The following CACNA2D3 variants were observed in gnomAD, a reference collection of about 807,000 sequenced individuals.
CACNA2D3 encodes calcium voltage-gated channel auxiliary subunit alpha2delta 3, also known as voltage-dependent calcium channel subunit alpha-2/delta-3.
In CACNA2D3, 60 loss-of-function variants were observed where a neutral mutation model predicts 160.6. The ratio of observed to expected loss-of-function variants is 0.37; its 90% CI spans 0.30 to 0.46. The LOEUF is 0.46. Among genes scored for constraint, CACNA2D3 ranks in the 20% least tolerant of loss-of-function variants. The pLI, the probability that CACNA2D3 is intolerant of heterozygous loss-of-function variation, is 1.00. For synonymous variants in CACNA2D3, 558 were observed against 492.9 expected, an observed-to-expected ratio of 1.13 and a Z score of -1.75; for missense variants, 1,205 against 1,365.0, an observed-to-expected ratio of 0.88 and a Z score of 1.85.
At chr3:54,474,805 G>A (rs1353455962) in intron 4 of CACNA2D3, among the ~76,000 whole-genome samples, 1 of 152,132 alleles carries the variant, frequency 6.6e-6, no homozygotes, top group Non-Finnish European at 1.5e-5. Context: ...TTCAAGTGAA[G>A]TTGAGTTCTC....
chr3:54,133,687 T>C (rs1699762321), intron 2 of CACNA2D3, among the ~76,000 whole-genome samples: 1 of 152,228 alleles, frequency 6.6e-6, no homozygotes, highest in South Asian at 2.1e-4. Flanking sequence ...AATAAACTGA[T>C]GCTGCTTATC....
rs532102503 is a variant in CACNA2D3, at chr3:54,638,437, C to G, written c.1054-3691C>G. 20 of 151,962 alleles carry G rather than the reference C, an allele frequency of 1.3e-4. 1 individual carries two copies. The highest frequency in any genetic ancestry group is 4.6e-4 in the African/African-American group (19 of 41,294). 9.4% of individuals were successfully genotyped at this position (151,962 alleles called of 1,614,324 possible). ...CTAGTCACGGAATGAAACTGTAAGC[C>G]GGAGCAGGTGTGAGGAGGGGAGGTG... is the stretch of plus-strand genomic sequence containing the variant. On this transcript the variant is annotated intron_variant, in intron 10 of 37. Transcript: ENST00000474759.
intron 13 of CACNA2D3, among the ~76,000 whole-genome samples, chr3:54,799,906 C>T (rs1433227928): frequency 1.3e-5 from 2 of 152,212 alleles, no homozygotes; most frequent in African/African-American, 4.8e-5. Context: ...ACTTCTCTTC[C>T]TCTGTCCCTT....
intron 4 of CACNA2D3, among the ~76,000 whole-genome samples, chr3:54,484,510 A>G (rs1385837464): frequency 1.3e-5 from 2 of 152,126 alleles, no homozygotes; most frequent in African/African-American, 4.8e-5. Flanking sequence ...ACCTTTTGTG[A>G]TATGCATGCT....
intron 9 of CACNA2D3, among the ~76,000 whole-genome samples, chr3:54,622,310 C>G (rs1051405286): frequency 6.6e-6 from 1 of 152,224 alleles, no homozygotes. Flanking sequence ...GAGTCTCGCT[C>G]TTTCGCCCAG....
intron 13 of CACNA2D3, among the ~76,000 whole-genome samples, chr3:54,765,234 A>G (rs546726929): frequency 1.5e-4 from 23 of 152,242 alleles, no homozygotes; most frequent in Non-Finnish European, 3.1e-4. Context: ...AACTCAGGGC[A>G]GGAAAAGCAT....
chr3:54,426,968 T>G (rs1304552504), intron 4 of CACNA2D3, among the ~76,000 whole-genome samples: 5 of 152,148 alleles, frequency 3.3e-5, no homozygotes, highest in Non-Finnish European at 7.3e-5. Context: ...GACCCTTCCT[T>G]GTTTTTCTTT....
At position 54,559,584 on chromosome 3, in the gene CACNA2D3, C is replaced by T. The variant is rs928245275; in HGVS notation, c.545-3216C>T. Reference sequence around the variant, plus strand: ...CTGGGATTACAGGTGTGAGCCATCACGCCTGGCTTCAACTTTTATTTTTAA... The same window carrying T: ...CTGGGATTACAGGTGTGAGCCATCATGCCTGGCTTCAACTTTTATTTTTAA... On this transcript the variant is annotated intron_variant, in intron 5 of 37. Coordinates refer to ENST00000474759, the MANE Select transcript of CACNA2D3 (RefSeq NM_018398.3). Among the ~76,000 whole-genome samples the T allele has an allele frequency of 3.9e-5, 6 of 152,288 alleles. No homozygotes were observed. The East Asian group carries it at 7.7e-4, about 20-fold the overall frequency.
chr3:54,492,103 A>C (rs1223864364), intron 4 of CACNA2D3, among the ~76,000 whole-genome samples: 1 of 152,142 alleles, frequency 6.6e-6, no homozygotes, highest in Non-Finnish European at 1.5e-5. Context: ...GAGCTGCTGG[A>C]TTCTACAGGG....
chr3:54,954,714 G>A (rs1485767272), intron 27 of CACNA2D3, among the ~76,000 whole-genome samples: 1 of 152,158 alleles, frequency 6.6e-6, no homozygotes, highest in Non-Finnish European at 1.5e-5. Flanking sequence ...GCTTTTGAGA[G>A]TCAAAAATCC....
Position 54,838,652 on chromosome 3 carries a change from A to G in CACNA2D3, c.1551+4A>G, listed in dbSNP as rs1698747847. The G allele has an allele frequency of 3.0e-5, 48 of 1,599,686 alleles. No homozygotes were observed. Among genetic ancestry groups the G allele is most frequent in the Non-Finnish European group, 3.9e-5 (46 of 1,166,874 alleles). On this transcript the variant is annotated splice_donor_region_variant and intron_variant, in intron 16 of 37. Coordinates refer to ENST00000474759, the MANE Select transcript of CACNA2D3 (RefSeq NM_018398.3). ...GAAGACCATCCCCAAATACAAGGTAATGAATGACCTAATCCCTGAAATCAA... is the reference window on the plus strand; with the variant it reads ...GAAGACCATCCCCAAATACAAGGTAGTGAATGACCTAATCCCTGAAATCAA...
At chr3:54,622,420 C>T (rs112859731) in intron 9 of CACNA2D3, among the ~76,000 whole-genome samples, 3,809 of 152,152 alleles carry the variant, frequency 0.025, 144 homozygotes, top group African/African-American at 0.087. Flanking sequence ...GGACTACAGG[C>T]GCCCGCCACC....
intron 4 of CACNA2D3, among the ~76,000 whole-genome samples, chr3:54,490,220 C>T (rs1242843834): frequency 6.6e-6 from 1 of 152,210 alleles, no homozygotes; most frequent in Non-Finnish European, 1.5e-5. Context: ...GACTTGTGTA[C>T]ATTGTATCCC....
chr3:54,250,397 C>T (rs1028224862), intron 2 of CACNA2D3, among the ~76,000 whole-genome samples: 1 of 152,018 alleles, frequency 6.6e-6, no homozygotes, highest in Non-Finnish European at 1.5e-5. Flanking sequence ...TCATATTATA[C>T]CCCATAAATA....
At chr3:54,648,902 A>C (rs559168792) in intron 11 of CACNA2D3, among the ~76,000 whole-genome samples, 3 of 152,292 alleles carry the variant, frequency 2.0e-5, no homozygotes, top group African/African-American at 4.8e-5. Flanking sequence ...ATGATAACTC[A>C]GTCATTACCA....
intron 27 of CACNA2D3, among the ~76,000 whole-genome samples, chr3:54,954,045 C>A (rs1033784811): frequency 6.6e-6 from 1 of 152,210 alleles, no homozygotes; most frequent in Non-Finnish European, 1.5e-5. Flanking sequence ...TCTTCATTAT[C>A]CTAGTAGGCA....
chr3:54,329,482 A>G (rs1704196629), intron 3 of CACNA2D3, among the ~76,000 whole-genome samples: 2 of 152,218 alleles, frequency 1.3e-5, no homozygotes, highest in Admixed American at 1.3e-4. Flanking sequence ...GGGTTCATGG[A>G]CTTTCCAGAA....
At chr3:54,755,788 G>C (rs1559570543) in intron 12 of CACNA2D3, among the ~76,000 whole-genome samples, 1 of 151,490 alleles carries the variant, frequency 6.6e-6, no homozygotes. Context: ...CTGTGGTCTT[G>C]AAAAAAAGAG....
chr3:54,880,220 A>G (rs1575527361), intron 20 of CACNA2D3, among the ~76,000 whole-genome samples: 2 of 152,350 alleles, frequency 1.3e-5, no homozygotes, highest in Admixed American at 6.5e-5. Flanking sequence ...GTAAGGGACT[A>G]TGTTTTAAAA....
Sources: allele counts gnomAD v4.1 joint callset (sites outside exome capture counted in the v4.1 genomes callset), GRCh38; gene constraint gnomAD v4.1.1; transcripts MANE v1.5; gene names NCBI Gene and HGNC (gene_info 2026-07-23, HGNC 2026-07-21).